Variants in PRKN observed in about 807,000 individuals in gnomAD.
PRKN encodes the protein parkin RBR E3 ubiquitin protein ligase, also known as E3 ubiquitin-protein ligase parkin.
A neutral mutation model predicts 59.5 loss-of-function variants in PRKN; 56 were observed. The ratio of observed to expected loss-of-function variants is 0.94; its 90% CI spans 0.76 to 1.18. The LOEUF (loss-of-function observed/expected upper bound fraction) is 1.18, where lower values mean the gene tolerates loss of function less well. PRKN is among the 50% of genes most tolerant of loss of function. The pLI, the probability that PRKN is intolerant of heterozygous loss-of-function variation, is 0.00. For synonymous variants in PRKN, 250 were observed against 222.1 expected, an observed-to-expected ratio of 1.13 and a Z score of -1.12; for missense variants, 657 against 596.4, an observed-to-expected ratio of 1.10 and a Z score of -1.06.
rs1168673398 is a variant in PRKN, at chr6:161,419,496, C to T, written c.1084-32619G>A. On this transcript the variant is annotated intron_variant, in intron 9 of 11. Coordinates refer to ENST00000366898, the MANE Select transcript of PRKN (RefSeq NM_004562.3). The surrounding 1 kb of genome is among the most constrained non-coding windows in gnomAD (Gnocchi z 4.1). ...TCCACCTCCTGGGTTCAAGCAATTC[C>T]CCTGCCTCAGCCTCCTGAGTAGCTG... 1.3e-5 allele frequency among the ~76,000 whole-genome samples: 2 copies of T among 151,924 alleles called. No individual in the cohort carries two copies. The highest frequency in any genetic ancestry group is 2.1e-4 in the South Asian group (1 of 4,816).
chr6:162,246,262 G>A (rs1282559014), intron 3 of PRKN, among the ~76,000 whole-genome samples: 1 of 152,008 alleles, frequency 6.6e-6, no homozygotes, highest in Non-Finnish European at 1.5e-5. Context: ...CTTATAGGAA[G>A]AGGAAATTTA....
At chr6:161,678,624 T>C (rs192585601) in intron 7 of PRKN, among the ~76,000 whole-genome samples, 9 of 140,502 alleles carry the variant, frequency 6.4e-5, no homozygotes, top group African/African-American at 2.5e-4. Flanking sequence ...CAGACTGGAG[T>C]GCAGCAGCAC....
At chr6:162,402,711 A>G (rs755545751) in intron 2 of PRKN, among the ~76,000 whole-genome samples, 15 of 150,372 alleles carry the variant, frequency 1.0e-4, no homozygotes, top group Non-Finnish European at 2.2e-4. Context: ...GCTGGAGTAC[A>G]GTGGTGTGAT....
intron 9 of PRKN, among the ~76,000 whole-genome samples, chr6:161,394,697 G>C (rs75403136): frequency 6.6e-6 from 1 of 152,096 alleles, no homozygotes; most frequent in African/African-American, 2.4e-5. Context: ...CAGAACTAGG[G>C]CCCCTCAGAG....
chr6:162,543,274 A>G (rs960571525), intron 1 of PRKN, among the ~76,000 whole-genome samples: 3 of 152,138 alleles, frequency 2.0e-5, no homozygotes, highest in African/African-American at 7.2e-5. Flanking sequence ...ACATAGGCTA[A>G]TCTAGAAAAC....
chr6:162,271,824 G>A (rs571951394), intron 2 of PRKN, among the ~76,000 whole-genome samples: 9 of 152,272 alleles, frequency 5.9e-5, no homozygotes, highest in African/African-American at 2.2e-4. Flanking sequence ...TTTAAAAAAA[G>A]GGGGACTTCT....
intron 2 of PRKN, among the ~76,000 whole-genome samples, chr6:162,431,425 T>A (rs1789523969): frequency 6.6e-6 from 1 of 152,080 alleles, no homozygotes; most frequent in African/African-American, 2.4e-5. Flanking sequence ...AAACACTATA[T>A]GTAAAACTAT....
At chr6:162,238,458 T>G (rs2128090065) in intron 3 of PRKN, among the ~76,000 whole-genome samples, 1 of 152,328 alleles carries the variant, frequency 6.6e-6, no homozygotes, top group Middle Eastern at 3.4e-3. Context: ...TACATAAATA[T>G]GTTAATAGCT....
chr6:161,413,469 G>T lies in PRKN; in HGVS notation c.1084-26592C>A, dbSNP rs1269452411. 6.6e-6 allele frequency among the ~76,000 whole-genome samples: 1 copy of T among 152,222 alleles called. No homozygotes were observed. Reference sequence around the variant, plus strand: ...CAGAGAGGACATAGGGATCTGGCCAGCTGGGAATGGAAGCCAAGTGGGCAT... The same window carrying T: ...CAGAGAGGACATAGGGATCTGGCCATCTGGGAATGGAAGCCAAGTGGGCAT... On this transcript the variant is annotated intron_variant, in intron 9 of 11. Coordinates refer to ENST00000366898, the MANE Select transcript of PRKN (RefSeq NM_004562.3). This position sits in a 1 kb window ranked among gnomAD's most constrained non-coding sequence, Gnocchi z 4.4.
Position 162,402,658 on chromosome 6 carries a change from TC to T in PRKN, c.171+40651del, listed in dbSNP as rs1451452876. Among the ~76,000 whole-genome samples the T allele has an allele frequency of 5.6e-4, 61 of 108,426 alleles. 1 individual carries two copies. The highest frequency in any genetic ancestry group is 1.8e-3 in the African/African-American group (59 of 32,994). The allele number at this position is 108,426 out of a possible 152,430, so 71.1% of individuals were successfully genotyped here. A position where few individuals can be genotyped will look rare whatever the true frequency, so the allele number is the denominator to read the frequency against. Reference sequence around the variant, plus strand: ...CATATATATATATATTTCTTTTATTTCCTTTTTTTTTTTTTAAGACAAGGTC... The same window carrying T: ...CATATATATATATATTTCTTTTATTTCTTTTTTTTTTTTTAAGACAAGGTC... On this transcript the variant is annotated intron_variant, in intron 2 of 11. Transcript: ENST00000366898.
intron 7 of PRKN, among the ~76,000 whole-genome samples, chr6:161,748,220 T>C (rs1298135535): frequency 1.3e-5 from 2 of 152,212 alleles, no homozygotes; most frequent in Admixed American, 6.5e-5. Flanking sequence ...AAAGAAATAT[T>C]ATACATTTAG....
intron 2 of PRKN, among the ~76,000 whole-genome samples, chr6:162,355,415 A>C (rs905492921): frequency 6.3e-5 from 9 of 141,896 alleles, no homozygotes; most frequent in African/African-American, 2.5e-4. Flanking sequence ...ATCTATATAT[A>C]TATAACAATT....
rs919554622 is a variant in PRKN at position 161,446,068 on chromosome 6, G to A, written c.1084-59191C>T. On this transcript the variant is annotated intron_variant, in intron 9 of 11. Transcript: ENST00000366898. This position sits in a 1 kb window ranked among gnomAD's most constrained non-coding sequence, Gnocchi z 6.2. ...AAAATATAAAACTTAGCTGGGTGTG[G>A]TGGCACATGCCTATGGTCCCAGGTA... Among the ~76,000 whole-genome samples, 25 of 151,280 alleles carry A rather than the reference G, an allele frequency of 1.7e-4. No homozygotes were observed. Among genetic ancestry groups the A allele is most frequent in the Admixed American group, 1.5e-3 (23 of 15,232 alleles).
At chr6:162,479,847 A>C (rs1378068093) in intron 1 of PRKN, among the ~76,000 whole-genome samples, 2 of 151,732 alleles carry the variant, frequency 1.3e-5, no homozygotes, top group Non-Finnish European at 2.9e-5. Flanking sequence ...CAGGCAGATC[A>C]CGAGGTCAAG....
intron 7 of PRKN, 98 bp from the exon 8 acceptor site, chr6:161,569,514 T>C: frequency 2.9e-6 from 3 of 1,029,068 alleles, no homozygotes; most frequent in Non-Finnish European, 4.6e-6. Context: ...CAGTGTTGCC[T>C]TTTGGGAGGA....
chr6:162,498,246 T>A (rs1254584992), intron 1 of PRKN, among the ~76,000 whole-genome samples: 1 of 152,022 alleles, frequency 6.6e-6, no homozygotes, highest in Non-Finnish European at 1.5e-5. Flanking sequence ...GTACATCTTA[T>A]CCTTATACCC....
intron 2 of PRKN, among the ~76,000 whole-genome samples, chr6:162,297,150 A>C (rs1186464837): frequency 6.6e-6 from 1 of 151,496 alleles, no homozygotes; most frequent in Non-Finnish European, 1.5e-5. Context: ...AGCTCTGCTA[A>C]TCAGATTCTA....
intron 9 of PRKN, among the ~76,000 whole-genome samples, chr6:161,522,864 G>A (rs766900527): frequency 3.9e-5 from 6 of 152,110 alleles, no homozygotes; most frequent in Non-Finnish European, 7.4e-5. Flanking sequence ...CAGTGACATC[G>A]TATCAATAAA....
chr6:161,942,963 A>G (rs1338165342), intron 6 of PRKN, among the ~76,000 whole-genome samples: 1 of 152,234 alleles, frequency 6.6e-6, no homozygotes, highest in African/African-American at 2.4e-5. Flanking sequence ...CTAAAGACAC[A>G]TGCAGTGAAG....
Sources: gnomAD v4.1 joint callset for allele counts (sites outside exome capture counted in the v4.1 genomes callset) on GRCh38, gnomAD v4.1.1 for gene constraint, Gnocchi (gnomAD v3.1) non-coding constraint, MANE v1.5 for transcripts, NCBI Gene and HGNC (gene_info 2026-07-23, HGNC 2026-07-21) for gene names.